STAU2: variants seen among roughly 807,000 people sequenced by gnomAD.
STAU2 encodes double-stranded RNA-binding protein Staufen homolog 2.
In STAU2, 20 loss-of-function variants were observed where a neutral mutation model predicts 65.9. The observed-to-expected ratio is 0.30, with a 90% CI of 0.21 to 0.44. The LOEUF (loss-of-function observed/expected upper bound fraction) is 0.44. Ranked by LOEUF, STAU2 falls within the 20% of genes least tolerant of loss-of-function variation. STAU2 has a pLI of 1.00. For missense variants in STAU2, 558 were observed against 683.9 expected (o/e 0.82, Z 2.05); for synonymous variants, 232 against 233.9 (o/e 0.99, Z 0.07).
In STAU2 at chr8:73,648,308, C is replaced by CA. The variant is rs546880389; in HGVS notation, c.410+24798dup. Reference sequence around the variant, plus strand: ...GTGAGGCTTCGAGTGTTTTACTTCACAGTATCCAAAATACCCAATAACAAA... The same window carrying CA: ...GTGAGGCTTCGAGTGTTTTACTTCACAAGTATCCAAAATACCCAATAACAAA... On this transcript the variant is annotated intron_variant, in intron 6 of 14. Transcript: ENST00000524300. Among the ~76,000 whole-genome samples the CA allele has an allele frequency of 1.1e-3, 162 of 152,286 alleles. No homozygotes were observed. In the Middle Eastern group the frequency reaches 0.014, roughly 13 times the overall value.
At chr8:73,545,969 G>T (rs1425304330) in intron 13 of STAU2, among the ~76,000 whole-genome samples, 1 of 151,334 alleles carries the variant, frequency 6.6e-6, no homozygotes, top group East Asian at 1.9e-4. Context: ...TTGAAACAGG[G>T]TCTTGCTCTG....
At chr8:73,692,010 A>C (rs1441174681) in intron 4 of STAU2, among the ~76,000 whole-genome samples, 1 of 152,168 alleles carries the variant, frequency 6.6e-6, no homozygotes, top group Non-Finnish European at 1.5e-5. Context: ...CCACGGAGGA[A>C]AGAGGGGCTG....
At chr8:73,453,429 T>G (rs750606048) in intron 13 of STAU2, among the ~76,000 whole-genome samples, 47 of 152,248 alleles carry the variant, frequency 3.1e-4, no homozygotes, top group Non-Finnish European at 5.4e-4. Context: ...ACAATGACTA[T>G]GTAAGCATAT....
At chr8:73,633,692 C>T (rs1292155604) in intron 6 of STAU2, among the ~76,000 whole-genome samples, 2 of 152,076 alleles carry the variant, frequency 1.3e-5, no homozygotes, top group Non-Finnish European at 2.9e-5. Context: ...AAGAAAAAGA[C>T]CACTGAGGCC....
intron 9 of STAU2, among the ~76,000 whole-genome samples, chr8:73,607,788 A>G (rs1229754582): frequency 6.6e-6 from 1 of 151,864 alleles, no homozygotes; most frequent in Admixed American, 6.6e-5. Context: ...ATCTTTCTGC[A>G]TATGAACTTT....
intron 13 of STAU2, among the ~76,000 whole-genome samples, chr8:73,426,781 A>G (rs2128880091): frequency 6.6e-6 from 1 of 152,324 alleles, no homozygotes; most frequent in Middle Eastern, 3.4e-3. Flanking sequence ...TCATGACTGC[A>G]CAGTATCCTA....
intron 13 of STAU2, among the ~76,000 whole-genome samples, chr8:73,484,957 C>T (rs908705156): frequency 6.6e-6 from 1 of 152,006 alleles, no homozygotes; most frequent in Non-Finnish European, 1.5e-5. Context: ...AATTTTACAT[C>T]ATAATTACAC....
At chr8:73,721,550 A>T (rs1427289143) in intron 3 of STAU2, among the ~76,000 whole-genome samples, 1 of 152,066 alleles carries the variant, frequency 6.6e-6, no homozygotes, top group Non-Finnish European at 1.5e-5. Context: ...TTCTCCTTGC[A>T]TTTCTATCAG....
chr8:73,528,092 T>C (rs963579522), intron 13 of STAU2, among the ~76,000 whole-genome samples: 2 of 152,184 alleles, frequency 1.3e-5, no homozygotes, highest in South Asian at 4.1e-4. Flanking sequence ...CAGCTTTTTA[T>C]AATACATGAT....
chr8:73,569,704 G>C (rs1808895017), intron 12 of STAU2, among the ~76,000 whole-genome samples: 1 of 152,174 alleles, frequency 6.6e-6, no homozygotes, highest in Non-Finnish European at 1.5e-5. Flanking sequence ...ACAGGATCTG[G>C]AGTGGACCTC....
At chr8:73,452,923 A>C (rs919111497) in intron 13 of STAU2, among the ~76,000 whole-genome samples, 9 of 152,234 alleles carry the variant, frequency 5.9e-5, no homozygotes, top group Admixed American at 3.3e-4. Context: ...GGTTTGCAGT[A>C]AGAAAGGTTT....
chr8:73,447,323 AC>A (rs1818520083), intron 13 of STAU2, among the ~76,000 whole-genome samples: 1 of 152,188 alleles, frequency 6.6e-6, no homozygotes, highest in African/African-American at 2.4e-5. Context: ...CTCTTCTGCA[AC>A]TTTTTTTTCC....
At chr8:73,445,368 A>G (rs1818414045) in intron 13 of STAU2, among the ~76,000 whole-genome samples, 1 of 152,204 alleles carries the variant, frequency 6.6e-6, no homozygotes, top group South Asian at 2.1e-4. Context: ...GCAAAACAAA[A>G]ACAAAAACAA....
intron 6 of STAU2, among the ~76,000 whole-genome samples, chr8:73,629,944 T>C (rs1410472328): frequency 1.3e-5 from 2 of 152,202 alleles, no homozygotes; most frequent in Admixed American, 6.5e-5. Context: ...TTATGTTTTA[T>C]AGAGATGCTT....
intron 13 of STAU2, among the ~76,000 whole-genome samples, chr8:73,436,568 T>TTTTATTTATTTATTTA (rs3032117): frequency 0.045 from 6,409 of 141,400 alleles, 195 homozygotes; most frequent in Non-Finnish European, 0.048. Context: ...TTTGCCAATT[T>TTTTATTTATTTATTTA]TTTATTTATT....
chr8:73,646,347 C>T (rs1183574829), intron 6 of STAU2, among the ~76,000 whole-genome samples: 2 of 152,142 alleles, frequency 1.3e-5, no homozygotes, highest in African/African-American at 4.8e-5. Context: ...TATGTAACTT[C>T]AGTAATAACA....
intron 9 of STAU2, among the ~76,000 whole-genome samples, chr8:73,607,259 G>A (rs967472537): frequency 3.3e-5 from 5 of 152,300 alleles, no homozygotes; most frequent in East Asian, 3.9e-4. Flanking sequence ...GATAGAGGTT[G>A]CCTAGGGAAG....
intron 6 of STAU2, among the ~76,000 whole-genome samples, chr8:73,666,787 G>A (rs533197527): frequency 2.2e-4 from 33 of 152,298 alleles, no homozygotes; most frequent in Admixed American, 1.3e-3. Flanking sequence ...TGAACAAAGA[G>A]CTGATAGGTC....
In STAU2 at chr8:73,537,606, T is replaced by C. The variant is rs1289507142; in HGVS notation, c.1530+14406A>G. ...AGAACTGTCAGCCCAGACTTTTATA[T>C]CTAGAAAAAATATCCCTGAGGAAGA... On this transcript the variant is annotated intron_variant, in intron 13 of 14. Transcript: ENST00000524300. Among the ~76,000 whole-genome samples, 7 of 152,204 alleles carry C rather than the reference T, an allele frequency of 4.6e-5. No individual in the cohort carries two copies. The East Asian group carries it at 1.4e-3, about 29-fold the overall frequency.
Sources: gnomAD v4.1 joint callset for allele counts (sites outside exome capture counted in the v4.1 genomes callset) on GRCh38, gnomAD v4.1.1 for gene constraint, MANE v1.5 for transcripts, NCBI Gene and HGNC (gene_info 2026-07-23, HGNC 2026-07-21) for gene names.